The following BDP1 variants were observed in gnomAD, a reference collection of about 807,000 sequenced individuals.
BDP1 encodes BDP1 general transcription factor IIIB subunit.
In BDP1, 169 loss-of-function variants were observed where a neutral mutation model predicts 266.6. The observed-to-expected ratio is 0.63, with a 90% confidence interval of 0.56 to 0.72. The LOEUF (loss-of-function observed/expected upper bound fraction) is 0.72, where lower values mean the gene tolerates loss of function less well. Ranked by LOEUF, BDP1 falls within the 30% of genes least tolerant of loss-of-function variation. BDP1 has a pLI of 0.00. For missense variants in BDP1, 3,015 were observed against 3,053.8 expected (o/e 0.99, Z 0.30); for synonymous variants, 1,090 against 1,022.4 (o/e 1.07, Z -1.26).
downstream of BDP1, among the ~76,000 whole-genome samples, chr5:71,568,137 C>A (rs748463719): frequency 6.6e-6 from 1 of 152,096 alleles, no homozygotes; most frequent in South Asian, 2.1e-4. Context: ...AGAAGAAGAC[C>A]CTGTCTTTGT....
rs764814273 is a variant in BDP1, at chr5:71,532,361, T to C, written c.5826T>C (p.His1942=). The change falls in exon 26 of 39, where the codon CAT becomes CAC. Residue 1942 remains histidine (H), a synonymous_variant. Coordinates refer to ENST00000358731, the MANE Select transcript of BDP1 (RefSeq NM_018429.3). ...TAGGATGCATAGCTGTTGTTGAACA[T>C]GAGCTACCAAACACAGATGTGACTA... ...PDVGCIAVVE[H]ELPNTDVTTE... 6.2e-7 allele frequency: 1 copy of C among 1,607,176 alleles called. No homozygotes were observed. The highest frequency in any genetic ancestry group is 1.1e-5 in the South Asian group (1 of 90,906).
rs144211000 is a variant in BDP1 at position 71,519,182 on chromosome 5, A to C, written c.4991+1730A>C. On this transcript the variant is annotated intron_variant, in intron 22 of 38. Coordinates refer to ENST00000358731, the MANE Select transcript of BDP1 (RefSeq NM_018429.3). ...CTGCTTTTTGTCTTAAAAAGCCTTAAATTTTTTTTTGATATATAATAGTTA... is the reference window on the plus strand; with the variant it reads ...CTGCTTTTTGTCTTAAAAAGCCTTACATTTTTTTTTGATATATAATAGTTA... Among the ~76,000 whole-genome samples the C allele has an allele frequency of 2.8e-4, 42 of 152,146 alleles. 1 individual carries two copies. The East Asian group carries it at 7.7e-3, about 28-fold the overall frequency.
chr5:71,525,579 G>A (rs1765792010), intron 25 of BDP1, among the ~76,000 whole-genome samples: 2 of 84,762 alleles, frequency 2.4e-5, no homozygotes, highest in African/African-American at 4.2e-5. Context: ...GCGGCTGGCC[G>A]GGCGGGGGGC....
At chr5:71,459,526 A>G (rs1191407902) in intron 2 of BDP1, among the ~76,000 whole-genome samples, 3 of 152,216 alleles carry the variant, frequency 2.0e-5, no homozygotes, top group African/African-American at 7.2e-5. Context: ...AAAGACGAAT[A>G]TAGTTGAGCA....
chr5:71,511,365 C>T lies in BDP1; in HGVS notation c.4059+214C>T, dbSNP rs1443363399. On this transcript the variant is annotated intron_variant, in intron 17 of 38. Transcript: ENST00000358731. ...ACTTTAGGCTGGGCACACCTTTAAA[C>T]CCAACACTTTGGGAGGCCAAGGTGG... is the stretch of plus-strand genomic sequence containing the variant. 3 of 525,170 alleles carry T rather than the reference C, an allele frequency of 5.7e-6. No homozygotes were observed. In the Admixed American group the frequency reaches 1.1e-4, roughly 20 times the overall value. The allele number at this position is 525,170 out of a possible 1,614,324, so 32.5% of individuals were successfully genotyped here.
chr5:71,516,793 T>C (rs1765246652), intron 21 of BDP1, among the ~76,000 whole-genome samples: 1 of 152,286 alleles, frequency 6.6e-6, no homozygotes, highest in South Asian at 2.1e-4. Flanking sequence ...CTAAGTAGTG[T>C]AATGTCTAAA....
chr5:71,494,040 G>T (rs1168585044), intron 11 of BDP1, among the ~76,000 whole-genome samples: 1 of 152,094 alleles, frequency 6.6e-6, no homozygotes, highest in Non-Finnish European at 1.5e-5. Context: ...CTATTAAGAC[G>T]TAGAAAACAC....
the BDP1 span, among the ~76,000 whole-genome samples, chr5:71,573,642 C>T: frequency 2.6e-5 from 4 of 152,144 alleles, no homozygotes; most frequent in East Asian, 1.9e-4. Flanking sequence ...GCATATCTGA[C>T]GTGGAATTTA....
intron 3 of BDP1, among the ~76,000 whole-genome samples, chr5:71,463,130 G>A (rs1761681953): frequency 6.6e-6 from 1 of 152,078 alleles, no homozygotes; most frequent in African/African-American, 2.4e-5. Context: ...AAAAATGTTT[G>A]AAAGGATTGG....
chr5:71,478,760 A>C (rs1762751751), intron 7 of BDP1, among the ~76,000 whole-genome samples: 1 of 152,012 alleles, frequency 6.6e-6, no homozygotes, highest in African/African-American at 2.4e-5. Flanking sequence ...GTATTAGGGA[A>C]ATTTTAAATT....
chr5:71,470,307 T>A, intron 6 of BDP1, 88 bp from the exon 7 acceptor site: 2 of 963,922 alleles, frequency 2.1e-6, no homozygotes, highest in Non-Finnish European at 3.2e-6. Context: ...CTAGTAAAAT[T>A]AAGTACTGTC....
chr5:71,525,819 G>C (rs1765825629), intron 25 of BDP1, among the ~76,000 whole-genome samples: 1 of 151,800 alleles, frequency 6.6e-6, no homozygotes, highest in South Asian at 2.1e-4. Flanking sequence ...CTGGGCGGAG[G>C]GGCTCCTCAC....
intron 25 of BDP1, among the ~76,000 whole-genome samples, chr5:71,525,148 A>G (rs1765723655): frequency 6.6e-6 from 1 of 152,176 alleles, no homozygotes; most frequent in South Asian, 2.1e-4. Flanking sequence ...TGAGCTGTTG[A>G]GTACACCTCG....
At chr5:71,466,037 A>C in intron 4 of BDP1, 59 bp from the exon 5 acceptor site, 1 of 1,550,406 alleles carries the variant, frequency 6.4e-7, no homozygotes, top group African/African-American at 1.4e-5. Flanking sequence ...TTTAAGTTTT[A>C]TACTATTTAG....
chr5:71,539,562 A>G lies in BDP1; in HGVS notation c.5935A>G (p.Asn1979Asp), dbSNP rs201678552. Residue 1979 changes from asparagine to aspartate, a missense_variant, in exon 28 of 39, where the codon AAT becomes GAT. Around this residue, in one of 3 missense-constraint regions of BDP1, gnomAD observed 2,383 missense variants for 2,404.9 expected, o/e 0.99. Coordinates refer to ENST00000358731, the MANE Select transcript of BDP1 (RefSeq NM_018429.3). ...TTGATATATTTCCTCACAAGGTACCAATGATGGAAGCACCGAAGCTGCAAT... is the reference window on the plus strand; with the variant it reads ...TTGATATATTTCCTCACAAGGTACCGATGATGGAAGCACCGAAGCTGCAAT... Reference protein sequence around the residue: ...SEHIQDEPGTNDGSTEAAITL... With the variant: ...SEHIQDEPGTDDGSTEAAITL... 7.7e-5 allele frequency: 124 copies of G among 1,609,204 alleles called. No individual in the cohort carries two copies. Among genetic ancestry groups the G allele is most frequent in the Non-Finnish European group, 1.0e-4 (121 of 1,177,158 alleles).
At position 71,515,077 on chromosome 5, in the gene BDP1, CTCAG is replaced by C; in HGVS notation, c.4609_4612del (p.Ser1537HisfsTer17). On this transcript the variant is annotated frameshift_variant, in exon 20 of 39. Transcript: ENST00000358731. LOFTEE classifies it high-confidence loss of function. ...AATTCTTGTGAACCTAAAGAGGAGT[CTCAG>C]TCAGCACCAGTCCAGAAAAATGACT... 6.2e-7 allele frequency: 1 copy of C among 1,612,376 alleles called. No homozygotes were observed. Among genetic ancestry groups the C allele is most frequent in the Non-Finnish European group, 8.5e-7 (1 of 1,179,386 alleles).
At chr5:71,549,901 C>T (rs184723488) in intron 34 of BDP1, among the ~76,000 whole-genome samples, 20 of 152,184 alleles carry the variant, frequency 1.3e-4, no homozygotes, top group Non-Finnish European at 2.2e-4. Context: ...AGTGTGGTTA[C>T]TTTGTATAAA....
In BDP1 at chr5:71,542,263, G is replaced by C. The variant is rs1333814654; in HGVS notation, c.6410G>C (p.Arg2137Thr). Residue 2137 changes from arginine to threonine, a missense_variant and splice_region_variant, in exon 30 of 39, where the codon AGA (arginine) becomes ACA (threonine). Around this residue, in one of 3 missense-constraint regions of BDP1, gnomAD observed 629 missense variants for 632.5 expected, o/e 0.99. Transcript: ENST00000358731. ...AAAGGGGCAGAAATGGAAACTCAAA[G>C]AGGTAAATTTTATTCTCTTAATATG... ...VTKGAEMETQ[R>T]ETEKNASKAT... is the part of the protein sequence containing the mutation. 6.2e-7 allele frequency: 1 copy of C among 1,605,552 alleles called. No individual in the cohort carries two copies. Among genetic ancestry groups the C allele is most frequent in the East Asian group, 2.2e-5 (1 of 44,652 alleles).
At chr5:71,518,496 G>A (rs372240900) in intron 22 of BDP1, among the ~76,000 whole-genome samples, 1 of 152,208 alleles carries the variant, frequency 6.6e-6, no homozygotes, top group East Asian at 1.9e-4. Context: ...TGTCGCCCAG[G>A]ATGGAGTGCA....
Sources: allele counts gnomAD v4.1 joint callset (sites outside exome capture counted in the v4.1 genomes callset), GRCh38; gene constraint gnomAD v4.1.1; regional missense constraint gnomAD v4.1.1; transcripts MANE v1.5; gene names NCBI Gene and HGNC (gene_info 2026-07-23, HGNC 2026-07-21).